COL4A5: variants seen among roughly 807,000 people sequenced by gnomAD.
COL4A5 encodes collagen type IV alpha 5 chain, also known as collagen alpha-5(IV) chain.
In COL4A5, 26 loss-of-function variants were observed where a neutral mutation model predicts 130.2. The ratio of observed to expected loss-of-function variants is 0.20; its 90% CI spans 0.15 to 0.28. The LOEUF (loss-of-function observed/expected upper bound fraction) is 0.28, where lower values mean the gene tolerates loss of function less well. Among genes scored for constraint, COL4A5 ranks in the 10% least tolerant of loss-of-function variants. COL4A5 has a pLI of 1.00. For missense variants in COL4A5, 1,131 were observed against 1,344.3 expected (o/e 0.84, Z 2.48); for synonymous variants, 496 against 439.6 (o/e 1.13, Z -1.60).
At chrX:108,603,281 A>G (rs1225990935) in intron 28 of COL4A5, among the ~76,000 whole-genome samples, 1 of 106,668 alleles carries the variant, frequency 9.4e-6, no homozygotes, top group African/African-American at 3.5e-5. Context: ...AAAAAAACCT[A>G]ATTTCTGTAC....
At chrX:108,540,619 T>C (rs1261090328) in intron 2 of COL4A5, among the ~76,000 whole-genome samples, 1 of 110,635 alleles carries the variant, frequency 9.0e-6, no homozygotes, top group Non-Finnish European at 1.9e-5. Flanking sequence ...CCTGGCTTAT[T>C]TTTGTATTTT....
intron 2 of COL4A5, among the ~76,000 whole-genome samples, chrX:108,545,916 G>A (rs1309543676): frequency 9.0e-6 from 1 of 111,101 alleles, no homozygotes; most frequent in Non-Finnish European, 1.9e-5. Context: ...TTTTATCAGA[G>A]ACTAGGATTG....
chrX:108,480,101 G>T (rs1318374478), intron 1 of COL4A5, among the ~76,000 whole-genome samples: 1 of 111,703 alleles, frequency 9.0e-6, no homozygotes, highest in Non-Finnish European at 1.9e-5. Flanking sequence ...GCCTTCTCGT[G>T]TTCCGGACCC....
chrX:108,686,540 G>A (rs2068549060), intron 48 of COL4A5, among the ~76,000 whole-genome samples: 1 of 111,863 alleles, frequency 8.9e-6, no homozygotes, highest in Admixed American at 9.5e-5. Flanking sequence ...GATTGCCATA[G>A]ACCTTTAAGA....
chrX:108,445,650 A>G (rs990923489), intron 1 of COL4A5, among the ~76,000 whole-genome samples: 3 of 111,638 alleles, frequency 2.7e-5, no homozygotes, highest in African/African-American at 9.8e-5. Context: ...TCGTATCTGC[A>G]TGTATTTGGT....
At chrX:108,624,440 A>C (rs1319798215) in intron 34 of COL4A5, 106 bp downstream of exon 34, 1 of 711,942 alleles carries the variant, frequency 1.4e-6, no homozygotes, top group Admixed American at 2.6e-5. Context: ...TGATCATGGT[A>C]ATAAGCTTGG....
At chrX:108,530,050 A>G (rs1296290643) in intron 1 of COL4A5, among the ~76,000 whole-genome samples, 2 of 111,658 alleles carry the variant, frequency 1.8e-5, no homozygotes, top group Non-Finnish European at 3.8e-5. Flanking sequence ...TTCAGACCCA[A>G]TAAACCTAAC....
chrX:108,541,966 C>G (rs1286979922), intron 2 of COL4A5, among the ~76,000 whole-genome samples: 1 of 111,630 alleles, frequency 9.0e-6, no homozygotes, highest in Non-Finnish European at 1.9e-5. Flanking sequence ...AAAGACCAAT[C>G]AATGAAAACC....
In COL4A5 at chrX:108,597,474, A is replaced by G; in HGVS notation, c.1685A>G (p.Glu562Gly). 8.3e-7 allele frequency: 1 copy of G among 1,209,595 alleles called. No homozygotes were observed. Among genetic ancestry groups the G allele is most frequent in the Non-Finnish European group, 1.1e-6 (1 of 894,407 alleles). Reference protein sequence around the residue: ...TFPGMKGDKGELGSPGAPGLP... With the variant: ...TFPGMKGDKGGLGSPGAPGLP... ...CCAGGAATGAAGGGTGACAAAGGAGAGTTGGGTTCCCCTGGAGCTCCAGGG... is the reference window on the plus strand; with the variant it reads ...CCAGGAATGAAGGGTGACAAAGGAGGGTTGGGTTCCCCTGGAGCTCCAGGG... Residue 562 changes from glutamate to glycine, a missense_variant, in exon 24 of 53, where the codon GAG (glutamate) becomes GGG (glycine). Coordinates refer to ENST00000328300, the MANE Select transcript of COL4A5 (RefSeq NM_033380.3).
chrX:108,659,696 T>C (rs1345601474), intron 37 of COL4A5, among the ~76,000 whole-genome samples: 1 of 111,067 alleles, frequency 9.0e-6, no homozygotes, highest in African/African-American at 3.3e-5. Flanking sequence ...CTTTGTCTGA[T>C]ATCAGTATAG....
rs1324857443 is a variant in COL4A5 at position 108,595,368 on chromosome X, A to C, written c.1424-141A>C. On this transcript the variant is annotated intron_variant, in intron 21 of 52. Coordinates refer to ENST00000328300, the MANE Select transcript of COL4A5 (RefSeq NM_033380.3). ...AGCACTCAGTAATTTATTTGTCATA[A>C]ATTGATTCAGGATATAGGCTTCTCC... The C allele has an allele frequency of 7.7e-6, 4 of 520,914 alleles. No individual in the cohort carries two copies. In the East Asian group the frequency reaches 1.4e-4, roughly 19 times the overall value. The allele number at this position is 520,914 out of a possible 1,213,427, so 42.9% of individuals were successfully genotyped here. A position where few individuals can be genotyped will look rare whatever the true frequency, so the allele number is the denominator to read the frequency against.
intron 47 of COL4A5, among the ~76,000 whole-genome samples, chrX:108,685,192 C>A (rs1362840944): frequency 8.9e-6 from 1 of 111,929 alleles, no homozygotes; most frequent in Non-Finnish European, 1.9e-5. Context: ...GAAAACGGCA[C>A]AAGACAAGGA....
chrX:108,694,655 T>C (rs2068699448), intron 50 of COL4A5, 152 bp from the exon 51 acceptor site: 2 of 507,804 alleles, frequency 3.9e-6, no homozygotes, highest in Admixed American at 2.7e-5. Flanking sequence ...ACTTAGCAAA[T>C]GCAATCCTCA....
intron 10 of COL4A5, among the ~76,000 whole-genome samples, chrX:108,577,326 C>T (rs1220478642): frequency 2.1e-5 from 2 of 97,168 alleles, no homozygotes; most frequent in Non-Finnish European, 4.1e-5. Context: ...GAGCCGAGAT[C>T]GTTCCATTGC....
At chrX:108,691,188 A>T (rs1303973118) in intron 49 of COL4A5, among the ~76,000 whole-genome samples, 1 of 111,043 alleles carries the variant, frequency 9.0e-6, no homozygotes, top group African/African-American at 3.3e-5. Context: ...GGGGAGGATG[A>T]AGAGAAGTGG....
chrX:108,685,969 T>G, intron 47 of COL4A5, 62 bp from the exon 48 acceptor site: 4 of 967,671 alleles, frequency 4.1e-6, no homozygotes, highest in Non-Finnish European at 5.9e-6. Flanking sequence ...TTATGTCTCC[T>G]AGATCTGTCC....
At chrX:108,491,900 T>C (rs1356302055) in intron 1 of COL4A5, among the ~76,000 whole-genome samples, 1 of 111,776 alleles carries the variant, frequency 8.9e-6, no homozygotes, top group East Asian at 2.8e-4. Context: ...AGGAGAGATT[T>C]GTGAAAACAT....
At chrX:108,461,630 C>T (rs1337081118) in intron 1 of COL4A5, among the ~76,000 whole-genome samples, 3 of 110,003 alleles carry the variant, frequency 2.7e-5, no homozygotes, top group Non-Finnish European at 5.7e-5. Context: ...GTTGGAGTTT[C>T]GCTCTTGTCA....
chrX:108,496,753 C>A (rs767306130), intron 1 of COL4A5, among the ~76,000 whole-genome samples: 4 of 111,262 alleles, frequency 3.6e-5, no homozygotes, highest in African/African-American at 6.5e-5. Context: ...CTTGGATAAT[C>A]GATCCCTTTA....
Sources: gnomAD v4.1 joint callset for allele counts (sites outside exome capture counted in the v4.1 genomes callset) on GRCh38, gnomAD v4.1.1 for gene constraint, MANE v1.5 for transcripts, NCBI Gene and HGNC (gene_info 2026-07-23, HGNC 2026-07-21) for gene names.